Variants in STXBP5 observed in about 807,000 individuals in gnomAD.
The protein encoded by STXBP5 is syntaxin-binding protein 5.
STXBP5 carries 50 observed loss-of-function variants against 152.4 expected under a neutral mutation model. The ratio of observed to expected loss-of-function variants is 0.33; its 90% confidence interval spans 0.26 to 0.42. The LOEUF (loss-of-function observed/expected upper bound fraction) is 0.42. Ranked by LOEUF, STXBP5 falls within the 10% of genes least tolerant of loss-of-function variation. The pLI, the probability that STXBP5 is intolerant of heterozygous loss-of-function variation, is 1.00. For missense variants in STXBP5, 1,167 were observed against 1,388.6 expected (o/e 0.84, Z 2.54); for synonymous variants, 492 against 494.7 (o/e 0.99, Z 0.07).
At chr6:147,238,409 C>G (rs557816313) in intron 3 of STXBP5, among the ~76,000 whole-genome samples, 5 of 152,298 alleles carry the variant, frequency 3.3e-5, no homozygotes, top group African/African-American at 9.6e-5. Flanking sequence ...AGAGGCAGAT[C>G]TTTTATGACC....
At chr6:147,246,121 G>C (rs954773344) in intron 4 of STXBP5, among the ~76,000 whole-genome samples, 1 of 152,210 alleles carries the variant, frequency 6.6e-6, no homozygotes, top group African/African-American at 2.4e-5. Context: ...TGCTCCCATA[G>C]AAACTGAGAA....
intron 19 of STXBP5, among the ~76,000 whole-genome samples, chr6:147,336,325 C>T (rs911038351): frequency 3.9e-5 from 6 of 152,048 alleles, no homozygotes; most frequent in African/African-American, 1.4e-4. Context: ...CTCAACTTGT[C>T]CATGTAAAAA....
chr6:147,254,155 T>C (rs1022920878), intron 4 of STXBP5, among the ~76,000 whole-genome samples: 3 of 152,172 alleles, frequency 2.0e-5, no homozygotes, highest in Non-Finnish European at 4.4e-5. Flanking sequence ...TACAATCATC[T>C]GATCTTTGAC....
chr6:147,355,743 A>G (rs1012601206), intron 22 of STXBP5, among the ~76,000 whole-genome samples: 1 of 152,126 alleles, frequency 6.6e-6, no homozygotes, highest in African/African-American at 2.4e-5. Flanking sequence ...TGTAGATTCA[A>G]TAAAATGATA....
At chr6:147,209,389 CCT>C (rs1376846801) in intron 2 of STXBP5, among the ~76,000 whole-genome samples, 1 of 151,932 alleles carries the variant, frequency 6.6e-6, no homozygotes, top group Non-Finnish European at 1.5e-5. Context: ...GATTTTTTTA[CCT>C]TACAGTTGAT....
intron 23 of STXBP5, among the ~76,000 whole-genome samples, chr6:147,363,046 G>A (rs761052822): frequency 1.2e-4 from 18 of 152,136 alleles, no homozygotes; most frequent in Non-Finnish European, 2.1e-4. Flanking sequence ...CCAGCATGTC[G>A]TTTGTTTATT....
At chr6:147,237,180 A>G (rs966854576) in intron 3 of STXBP5, among the ~76,000 whole-genome samples, 1 of 152,194 alleles carries the variant, frequency 6.6e-6, no homozygotes, top group South Asian at 2.1e-4. Context: ...AATTTTAGAA[A>G]TCTTAAATTT....
At chr6:147,289,654 A>G (rs757442965) in intron 8 of STXBP5, among the ~76,000 whole-genome samples, 1 of 152,176 alleles carries the variant, frequency 6.6e-6, no homozygotes, top group Non-Finnish European at 1.5e-5. Context: ...CTATTTTTTA[A>G]AAGAAGTATA....
At chr6:147,263,324 T>A (rs1779728919) in intron 6 of STXBP5, among the ~76,000 whole-genome samples, 1 of 150,918 alleles carries the variant, frequency 6.6e-6, no homozygotes, top group African/African-American at 2.4e-5. Flanking sequence ...TGCCTTTTGC[T>A]TTTCTTTTTC....
intron 23 of STXBP5, among the ~76,000 whole-genome samples, chr6:147,360,646 C>A (rs924950569): frequency 6.6e-6 from 1 of 152,146 alleles, no homozygotes; most frequent in African/African-American, 2.4e-5. Flanking sequence ...GGTTATTTTT[C>A]ATCTCCAAGT....
intron 14 of STXBP5, among the ~76,000 whole-genome samples, 171 bp from the exon 15 acceptor site, chr6:147,315,344 G>A (rs1782589299): frequency 1.3e-5 from 2 of 151,924 alleles, no homozygotes; most frequent in Admixed American, 1.3e-4. Context: ...TGGTCAATGA[G>A]AACAAAGAAT....
chr6:147,254,144 C>A (rs1779240988), intron 4 of STXBP5, among the ~76,000 whole-genome samples: 1 of 152,100 alleles, frequency 6.6e-6, no homozygotes, highest in African/African-American at 2.4e-5. Flanking sequence ...ACCCACACAT[C>A]TACAATCATC....
At chr6:147,367,973 G>C (rs1164394448) in intron 25 of STXBP5, among the ~76,000 whole-genome samples, 1 of 151,816 alleles carries the variant, frequency 6.6e-6, no homozygotes, top group Non-Finnish European at 1.5e-5. Context: ...AAAAAAAATA[G>C]ATAACCGAAA....
chr6:147,268,170 T>C (rs1779985172), intron 7 of STXBP5, among the ~76,000 whole-genome samples: 1 of 152,328 alleles, frequency 6.6e-6, no homozygotes, highest in Middle Eastern at 3.4e-3. Flanking sequence ...ACTGAAGTTA[T>C]TGTTGCTTTT....
chr6:147,365,297 A>C (rs913126759), intron 25 of STXBP5, among the ~76,000 whole-genome samples: 3 of 152,186 alleles, frequency 2.0e-5, no homozygotes, highest in African/African-American at 7.2e-5. Flanking sequence ...TAAGTTTCTG[A>C]AGTAAAATTT....
chr6:147,323,566 A>G (rs1783051367), intron 16 of STXBP5, among the ~76,000 whole-genome samples: 1 of 151,756 alleles, frequency 6.6e-6, no homozygotes, highest in Non-Finnish European at 1.5e-5. Context: ...TAATTTTTGT[A>G]TGTTTAGTAG....
chr6:147,228,364 T>C (rs1448188336), intron 2 of STXBP5, among the ~76,000 whole-genome samples: 1 of 152,072 alleles, frequency 6.6e-6, no homozygotes, highest in Non-Finnish European at 1.5e-5. Context: ...AGCAATTTGA[T>C]CATTTCTTTG....
chr6:147,327,756 A>G (rs563278834), intron 18 of STXBP5, among the ~76,000 whole-genome samples: 1 of 152,208 alleles, frequency 6.6e-6, no homozygotes, highest in South Asian at 2.1e-4. Context: ...TTTCTTTTTA[A>G]TATTCTAGGA....
At chr6:147,351,962 AATGCTTTTTGAAAATTTCACAT>A in intron 21 of STXBP5, 1 of 920,858 alleles carries the variant, frequency 1.1e-6, no homozygotes, top group Non-Finnish European at 1.3e-6. Context: ...TGTATTAACA[AATGCTTTTTGAAAATTTCACAT>A]AGGAAGCACT....
Sources: gnomAD v4.1 joint callset for allele counts (sites outside exome capture counted in the v4.1 genomes callset) on GRCh38, gnomAD v4.1.1 for gene constraint, MANE v1.5 for transcripts, NCBI Gene and HGNC (gene_info 2026-07-23, HGNC 2026-07-21) for gene names.